PRMT2: variants seen among roughly 807,000 people sequenced by gnomAD.
The protein encoded by PRMT2 is protein arginine methyltransferase 2, also known as protein arginine N-methyltransferase 2.
PRMT2 carries 26 observed loss-of-function variants against 57.6 expected under a neutral mutation model. The observed-to-expected ratio is 0.45, with a 90% confidence interval of 0.33 to 0.63. The LOEUF is 0.63. PRMT2 is among the 20% of genes least tolerant of loss of function. PRMT2 has a pLI of 0.02. For synonymous variants in PRMT2, 219 were observed against 220.0 expected, an observed-to-expected ratio of 1.00 and a Z score of 0.04; for missense variants, 472 against 564.4, an observed-to-expected ratio of 0.84 and a Z score of 1.66.
At chr21:46,662,492 G>C (rs530184665) in intron 10 of PRMT2, among the ~76,000 whole-genome samples, 13 of 152,328 alleles carry the variant, frequency 8.5e-5, no homozygotes, top group Admixed American at 7.2e-4. Context: ...CAGAGGTGCG[G>C]GGTTGATGGC....
chr21:46,659,609 C>T (rs1289751083), intron 8 of PRMT2: 1 of 981,876 alleles, frequency 1.0e-6, no homozygotes, highest in Non-Finnish European at 1.2e-6. Flanking sequence ...ATGCTGTTTT[C>T]CCTACCAGAC....
intron 7 of PRMT2, chr21:46,652,708 G>T: frequency 8.9e-7 from 1 of 1,129,782 alleles, no homozygotes; most frequent in Non-Finnish European, 1.1e-6. Flanking sequence ...AAATTTTTTT[G>T]TTTTTCCAGA....
At chr21:46,656,166 G>A (rs1481436120) in intron 7 of PRMT2, among the ~76,000 whole-genome samples, 2 of 152,114 alleles carry the variant, frequency 1.3e-5, no homozygotes, top group African/African-American at 4.8e-5. Context: ...GTGAAAAAGA[G>A]CCTGGCACGC....
Position 46,648,894 on chromosome 21 carries a change from G to A in PRMT2, c.489+275G>A, listed in dbSNP as rs529860054. Among the ~76,000 whole-genome samples the A allele has an allele frequency of 6.6e-6, 1 of 152,354 alleles. No individual in the cohort carries two copies. The highest frequency in any genetic ancestry group is 1.5e-5 in the Non-Finnish European group (1 of 68,044). The stretch of plus-strand genomic sequence containing the variant: ...GACAATATCCCGTGAATTGCGTGGG[G>A]CGGGGTATGTTCTGTGAGACGTTTA... On this transcript the variant is annotated intron_variant, in intron 6 of 11. Transcript: ENST00000355680. The surrounding 1 kb of genome is among the most constrained non-coding windows in gnomAD (Gnocchi z 4.8).
intron 8 of PRMT2, chr21:46,659,708 G>C (rs1360274908): frequency 1.0e-6 from 1 of 983,920 alleles, no homozygotes; most frequent in Non-Finnish European, 1.2e-6. Flanking sequence ...TTGGCATCAG[G>C]CTGCCCACCC....
intron 8 of PRMT2, chr21:46,660,050 A>G: frequency 3.1e-6 from 3 of 982,562 alleles, no homozygotes; most frequent in Non-Finnish European, 3.6e-6. Context: ...ATACTTGTCC[A>G]TAGTTTCCAA....
rs368297409 is a variant in PRMT2 at position 46,664,427 on chromosome 21, C to A, written c.*100C>A. ...GGCTTCTGCACACTCCTGCGAAAGT[C>A]GGTGAACATTCACTCCACATTGACC... On this transcript the variant is annotated 3_prime_UTR_variant, in exon 12 of 12. Coordinates refer to ENST00000355680, the MANE Select transcript of PRMT2 (RefSeq NM_206962.4). 1 of 1,450,774 alleles carries A rather than the reference C, an allele frequency of 6.9e-7. No homozygotes were observed. Among genetic ancestry groups the A allele is most frequent in the South Asian group, 1.1e-5 (1 of 87,382 alleles). The allele number at this position is 1,450,774 out of a possible 1,614,324, so 89.9% of individuals were successfully genotyped here.
chr21:46,643,566 G>T lies in PRMT2; in HGVS notation c.71G>T (p.Gly24Val), dbSNP rs761486078. Residue 24 changes from glycine to valine, a missense_variant, in exon 4 of 12, where the codon GGT becomes GTT. By Grantham distance (109) the Gly-to-Val change is moderately radical. Transcript: ENST00000355680. ...GEEPAECSEA[G>V]LLQEGVQPEE... ...GAGCCTGCTGAGTGCAGTGAGGCCG[G>T]TCTCCTGCAGGAGGGAGTACAGCCA... The T allele has an allele frequency of 5.0e-6, 8 of 1,609,222 alleles. No individual in the cohort carries two copies. Among genetic ancestry groups the T allele is most frequent in the Non-Finnish European group, 6.8e-6 (8 of 1,178,348 alleles).
At chr21:46,641,658 C>T (rs921544182) in intron 3 of PRMT2, among the ~76,000 whole-genome samples, 2 of 152,020 alleles carry the variant, frequency 1.3e-5, no homozygotes, top group African/African-American at 2.4e-5. Context: ...TGCCACTGCA[C>T]TCCAGCCTAG....
At chr21:46,645,684 T>G (rs1344958815) in intron 5 of PRMT2, among the ~76,000 whole-genome samples, 1 of 152,084 alleles carries the variant, frequency 6.6e-6, no homozygotes, top group Admixed American at 6.5e-5. Flanking sequence ...TTATATAAAG[T>G]TAAGAGGCCA....
At chr21:46,639,974 A>G (rs933066332) in intron 3 of PRMT2, among the ~76,000 whole-genome samples, 1 of 152,120 alleles carries the variant, frequency 6.6e-6, no homozygotes, top group African/African-American at 2.4e-5. Context: ...CCTCTTGTGG[A>G]TAAATAAAGG....
Position 46,638,262 on chromosome 21 carries a change from C to T in PRMT2, c.39+1272C>T, listed in dbSNP as rs575368705. Among the ~76,000 whole-genome samples the T allele has an allele frequency of 8.4e-4, 128 of 152,248 alleles. 3 individuals carry two copies. The highest frequency in any genetic ancestry group is 7.1e-4 in the Non-Finnish European group (48 of 68,022). ...CCTTGTTATGTGTGTAATGCTGGTTCAATCCTGCCACTGTAGGGTACTCCT... is the reference window on the plus strand; with the variant it reads ...CCTTGTTATGTGTGTAATGCTGGTTTAATCCTGCCACTGTAGGGTACTCCT... On this transcript the variant is annotated intron_variant, in intron 3 of 11. Transcript: ENST00000355680.
In PRMT2 at chr21:46,643,542, A is replaced by G; in HGVS notation, c.47A>G (p.Glu16Gly). The G allele has an allele frequency of 6.3e-7, 1 of 1,592,112 alleles. No homozygotes were observed. The highest frequency in any genetic ancestry group is 8.5e-7 in the Non-Finnish European group (1 of 1,171,430). ...DCPRSESQGE[E>G]PAECSEAGLL... ...TTCCTTGGCTTTGAGCAGGGAGAAG[A>G]GCCTGCTGAGTGCAGTGAGGCCGGT... The change falls in exon 4 of 12, where the codon GAG becomes GGG. Residue 16 changes from glutamate to glycine, a missense_variant. Physicochemically the swap from Glu to Gly is moderately conservative, Grantham distance 98 (BLOSUM62 -2). Around this residue, in one of 2 missense-constraint regions of PRMT2, gnomAD observed 243 missense variants for 347.2 expected, o/e 0.70. Coordinates refer to ENST00000355680, the MANE Select transcript of PRMT2 (RefSeq NM_206962.4).
At chr21:46,662,261 C>G (rs1023873598) in intron 10 of PRMT2, among the ~76,000 whole-genome samples, 10 of 152,184 alleles carry the variant, frequency 6.6e-5, no homozygotes, top group Non-Finnish European at 2.9e-5. Context: ...TGACCCAAAG[C>G]GCCTCCACGG....
At chr21:46,664,037 G>A (rs2061668622) in intron 11 of PRMT2, among the ~76,000 whole-genome samples, 1 of 152,202 alleles carries the variant, frequency 6.6e-6, no homozygotes. Flanking sequence ...TCCTGTCTCA[G>A]AGGCTGCTGA....
chr21:46,646,301 A>G (rs1463024423), intron 5 of PRMT2, among the ~76,000 whole-genome samples: 5 of 152,230 alleles, frequency 3.3e-5, no homozygotes, highest in South Asian at 2.1e-4. Context: ...ATGTCTGTAC[A>G]TGGTTAGTGA....
Position 46,650,005 on chromosome 21 carries a change from G to T in PRMT2, c.654+266G>T, listed in dbSNP as rs2061425600. Reference sequence around the variant, plus strand: ...TTTACATGAACTGTGTTCTCCTCGGGGATCTGTAAAAATCCTGTGCCTAAC... The same window carrying T: ...TTTACATGAACTGTGTTCTCCTCGGTGATCTGTAAAAATCCTGTGCCTAAC... On this transcript the variant is annotated intron_variant, in intron 7 of 11. Transcript: ENST00000355680. 2.8e-6 allele frequency: 4 copies of T among 1,410,580 alleles called. No homozygotes were observed. In the East Asian group the frequency reaches 1.0e-4, roughly 35 times the overall value. 87.4% of individuals were successfully genotyped at this position (1,410,580 alleles called of 1,614,324 possible). A position where few individuals can be genotyped will look rare whatever the true frequency, so the allele number is the denominator to read the frequency against.
In PRMT2 at chr21:46,648,364, G is replaced by T; in HGVS notation, c.328-94G>T. The stretch of plus-strand genomic sequence containing the variant: ...CTTCCATAGGGGTGTTGGGGTCAGG[G>T]GTCATCAGCTGTGGCTCTGACCCTC... On this transcript the variant is annotated intron_variant, in intron 5 of 11. Coordinates refer to ENST00000355680, the MANE Select transcript of PRMT2 (RefSeq NM_206962.4). The surrounding 1 kb of genome is among the most constrained non-coding windows in gnomAD (Gnocchi z 4.8). 1 of 1,385,932 alleles carries T rather than the reference G, an allele frequency of 7.2e-7. No individual in the cohort carries two copies. Among genetic ancestry groups the T allele is most frequent in the Non-Finnish European group, 1.0e-6 (1 of 999,700 alleles). 85.9% of individuals were successfully genotyped at this position (1,385,932 alleles called of 1,614,324 possible). A position where few individuals can be genotyped will look rare whatever the true frequency, so the allele number is the denominator to read the frequency against.
intron 1 of PRMT2, 76 bp downstream of exon 1, chr21:46,635,839 C>T (rs571596315): frequency 6.6e-6 from 1 of 152,498 alleles, no homozygotes; most frequent in South Asian, 2.1e-4. Context: ...CGTCCTCGCA[C>T]TGCGTGTGCG....
Sources: allele counts gnomAD v4.1 joint callset (sites outside exome capture counted in the v4.1 genomes callset), GRCh38; gene constraint gnomAD v4.1.1; regional missense constraint gnomAD v4.1.1; non-coding constraint Gnocchi (gnomAD v3.1); transcripts MANE v1.5; gene names NCBI Gene and HGNC (gene_info 2026-07-23, HGNC 2026-07-21).